MTBP: variants seen among roughly 807,000 people sequenced by gnomAD.
MTBP encodes MDM2 binding protein, also known as mdm2-binding protein.
A neutral mutation model predicts 117.0 loss-of-function variants in MTBP; 101 were observed. The observed-to-expected ratio is 0.86, with a 90% CI of 0.73 to 1.02. MTBP has a LOEUF of 1.02. MTBP is among the 50% of genes least tolerant of loss of function. MTBP has a pLI of 0.00. For synonymous variants in MTBP, 350 were observed against 351.5 expected, an observed-to-expected ratio of 1.00 and a Z score of 0.05; for missense variants, 970 against 1,030.9, an observed-to-expected ratio of 0.94 and a Z score of 0.81.
At chr8:120,480,848 A>C (rs935000986) in intron 11 of MTBP, among the ~76,000 whole-genome samples, 1 of 152,204 alleles carries the variant, frequency 6.6e-6, no homozygotes, top group Non-Finnish European at 1.5e-5. Flanking sequence ...TATAAAGTAG[A>C]ATTCACCAAG....
chr8:120,507,044 T>C (rs760184771), intron 16 of MTBP, among the ~76,000 whole-genome samples, 183 bp downstream of exon 16: 1 of 152,116 alleles, frequency 6.6e-6, no homozygotes, highest in Non-Finnish European at 1.5e-5. Flanking sequence ...CCTACTGTTT[T>C]GTGGTATTGA....
intron 11 of MTBP, chr8:120,473,224 T>C (rs1467211177): frequency 6.6e-6 from 1 of 152,038 alleles, no homozygotes; most frequent in Non-Finnish European, 1.5e-5. Flanking sequence ...TATTTTTAAA[T>C]TTTTTTTGGA....
chr8:120,509,605 C>A lies in MTBP; in HGVS notation c.1884-329C>A, dbSNP rs550770913. Among the ~76,000 whole-genome samples the A allele has an allele frequency of 1.7e-3, 254 of 151,972 alleles. 6 individuals carry two copies. In the South Asian group the frequency reaches 0.051, roughly 31 times the overall value. On this transcript the variant is annotated intron_variant, in intron 16 of 21. Transcript: ENST00000305949. Reference sequence around the variant, plus strand: ...CGACAGAGTGAGACTCCGTCCCCACCGCCCCCCCAAAAAAAGAAAGAAATA... The same window carrying A: ...CGACAGAGTGAGACTCCGTCCCCACAGCCCCCCCAAAAAAAGAAAGAAATA...
chr8:120,476,967 G>A (rs544057993), intron 11 of MTBP, among the ~76,000 whole-genome samples: 8 of 152,128 alleles, frequency 5.3e-5, no homozygotes, highest in Admixed American at 1.3e-4. Flanking sequence ...AAAAAGAACA[G>A]AGCTGGAGGC....
At chr8:120,506,516 A>G (rs1389800231) in intron 15 of MTBP, among the ~76,000 whole-genome samples, 190 bp from the exon 16 acceptor site, 1 of 152,188 alleles carries the variant, frequency 6.6e-6, no homozygotes, top group Non-Finnish European at 1.5e-5. Context: ...CATAGTTAGA[A>G]ACTAAGTTAT....
At chr8:120,470,022 A>C (rs186960515) in intron 10 of MTBP, among the ~76,000 whole-genome samples, 3 of 152,326 alleles carry the variant, frequency 2.0e-5, no homozygotes, top group Admixed American at 1.3e-4. Context: ...GCTTTGCCTA[A>C]ATTTTCCCAA....
intron 12 of MTBP, 91 bp from the exon 13 acceptor site, chr8:120,490,372 T>A (rs1008923740): frequency 2.7e-5 from 20 of 733,346 alleles, no homozygotes; most frequent in Non-Finnish European, 4.3e-5. Flanking sequence ...TTTTGTTAAA[T>A]CCTTGCTATA....
intron 9 of MTBP, among the ~76,000 whole-genome samples, chr8:120,462,796 T>C (rs1321392572): frequency 1.3e-5 from 2 of 152,136 alleles, no homozygotes; most frequent in African/African-American, 2.4e-5. Flanking sequence ...ATAAGTTGAG[T>C]GGGCATGGCT....
chr8:120,506,697 T>G lies in MTBP; in HGVS notation c.1728-9T>G. 1 of 1,577,746 alleles carries G rather than the reference T, an allele frequency of 6.3e-7. No individual in the cohort carries two copies. ...CTTTTAATAAATCTGCATAACATTA[T>G]TTTCCCAGAACTGGTTCATTACCTC... On this transcript the variant is annotated splice_polypyrimidine_tract_variant and intron_variant, in intron 15 of 21. Coordinates refer to ENST00000305949, the MANE Select transcript of MTBP (RefSeq NM_022045.5).
At chr8:120,460,956 T>G (rs1266321658) in intron 8 of MTBP, among the ~76,000 whole-genome samples, 1 of 152,184 alleles carries the variant, frequency 6.6e-6, no homozygotes, top group Non-Finnish European at 1.5e-5. Flanking sequence ...TACTAAGTGA[T>G]CTCCATGTCT....
At chr8:120,462,163 G>C (rs902543563) in intron 9 of MTBP, among the ~76,000 whole-genome samples, 8 of 152,122 alleles carry the variant, frequency 5.3e-5, no homozygotes, top group Non-Finnish European at 1.0e-4. Context: ...CTATCCTAAA[G>C]ATAATGAGGA....
chr8:120,504,931 T>A (rs1794105483), intron 15 of MTBP, among the ~76,000 whole-genome samples: 1 of 152,134 alleles, frequency 6.6e-6, no homozygotes, highest in South Asian at 2.1e-4. Flanking sequence ...GCTGTATTTT[T>A]TCTAGCAACC....
intron 11 of MTBP, 134 bp from the exon 12 acceptor site, chr8:120,488,025 C>G: frequency 1.8e-6 from 1 of 567,552 alleles, no homozygotes; most frequent in South Asian, 4.0e-5. Context: ...TGAACAACTA[C>G]TAGCCCTGAA....
At chr8:120,517,564 A>G (rs556806556) in intron 18 of MTBP, among the ~76,000 whole-genome samples, 2 of 152,086 alleles carry the variant, frequency 1.3e-5, no homozygotes, top group East Asian at 3.9e-4. Context: ...TAAGGCAGTA[A>G]TAGCAATAAA....
Position 120,461,142 on chromosome 8 carries a change from A to G in MTBP, c.883-19A>G. ...GTTTATGGTATTTAAATATTACACA[A>G]TTTTAATTTCTTTTCTAGGTTTTCC... On this transcript the variant is annotated intron_variant, in intron 8 of 21. Transcript: ENST00000305949. 6.7e-7 allele frequency: 1 copy of G among 1,491,892 alleles called. No homozygotes were observed. The highest frequency in any genetic ancestry group is 9.3e-7 in the Non-Finnish European group (1 of 1,073,130). 92.4% of individuals were successfully genotyped at this position (1,491,892 alleles called of 1,614,324 possible). A position where few individuals can be genotyped will look rare whatever the true frequency, so the allele number is the denominator to read the frequency against.
intron 11 of MTBP, among the ~76,000 whole-genome samples, chr8:120,480,008 A>G (rs1216625186): frequency 6.6e-6 from 1 of 152,168 alleles, no homozygotes; most frequent in Non-Finnish European, 1.5e-5. Flanking sequence ...CAAAAGAAGT[A>G]AAAGAAGTAC....
At chr8:120,466,083 C>G (rs771576646) in intron 10 of MTBP, among the ~76,000 whole-genome samples, 1 of 151,880 alleles carries the variant, frequency 6.6e-6, no homozygotes, top group Non-Finnish European at 1.5e-5. Context: ...GACTTTATAA[C>G]TATGTTCCCA....
chr8:120,486,445 G>A (rs1031594968), intron 11 of MTBP, among the ~76,000 whole-genome samples: 26 of 152,110 alleles, frequency 1.7e-4, no homozygotes, highest in South Asian at 2.1e-4. Context: ...CTGTGAATGC[G>A]CTGAGGTGAA....
At chr8:120,508,127 T>C (rs1814727662) in intron 16 of MTBP, among the ~76,000 whole-genome samples, 1 of 152,186 alleles carries the variant, frequency 6.6e-6, no homozygotes, top group Admixed American at 6.5e-5. Flanking sequence ...TATCTTCTGT[T>C]AACATTAGAG....
Sources: gnomAD v4.1 joint callset for allele counts (sites outside exome capture counted in the v4.1 genomes callset) on GRCh38, gnomAD v4.1.1 for gene constraint, MANE v1.5 for transcripts, NCBI Gene and HGNC (gene_info 2026-07-23, HGNC 2026-07-21) for gene names.